COL28A1: variants seen among roughly 807,000 people sequenced by gnomAD.
COL28A1 encodes collagen type XXVIII alpha 1 chain, also known as collagen alpha-1(XXVIII) chain.
A neutral mutation model predicts 150.2 loss-of-function variants in COL28A1; 161 were observed. The ratio of observed to expected loss-of-function variants is 1.07; its 90% CI spans 0.94 to 1.22. The LOEUF (loss-of-function observed/expected upper bound fraction) is 1.22, where lower values mean the gene tolerates loss of function less well. Among genes scored for constraint, COL28A1 ranks in the 50% most tolerant of loss-of-function variants. COL28A1 has a pLI of 0.00. For missense variants in COL28A1, 1,617 were observed against 1,388.3 expected (o/e 1.16, Z -2.62); for synonymous variants, 552 against 469.7 (o/e 1.18, Z -2.26).
At position 7,531,458 on chromosome 7, in the gene COL28A1, A is replaced by G; in HGVS notation, c.571T>C (p.Ser191Pro). ...SGISFITIAL[S>P]TVVNEAKLRL... ...AGTTTGGCTTCATTGACTACCGTAG[A>G]AAGTGCAATGGTGATAAATGATATT... The change falls in exon 3 of 35, where the codon TCT becomes CCT. Residue 191 changes from serine to proline, a missense_variant. By Grantham distance (74) the Ser-to-Pro change is moderately conservative. Transcript: ENST00000399429. The G allele has an allele frequency of 6.3e-7, 1 of 1,596,604 alleles. No individual in the cohort carries two copies. Among genetic ancestry groups the G allele is most frequent in the Non-Finnish European group, 8.6e-7 (1 of 1,164,190 alleles).
At position 7,395,289 on chromosome 7, in the gene COL28A1, G is replaced by A. The variant is rs550559018; in HGVS notation, c.2137-13677C>T. Among the ~76,000 whole-genome samples, 101 of 151,764 alleles carry A rather than the reference G, an allele frequency of 6.7e-4. 1 individual carries two copies. Among genetic ancestry groups the A allele is most frequent in the African/African-American group, 2.2e-3 (93 of 41,468 alleles). ...AGCCTGGGCAACAGAGTGAGGCTCC[G>A]TCTTAAAAAAACACAAACAAACCAG... is the stretch of plus-strand genomic sequence containing the variant. On this transcript the variant is annotated intron_variant, in intron 27 of 34. Coordinates refer to ENST00000399429, the MANE Select transcript of COL28A1 (RefSeq NM_001037763.3).
At chr7:7,513,921 C>T (rs1398535169) in intron 8 of COL28A1, among the ~76,000 whole-genome samples, 2 of 152,162 alleles carry the variant, frequency 1.3e-5, no homozygotes, top group Non-Finnish European at 2.9e-5. Context: ...TTTCAGAAAG[C>T]GAGTACTTCA....
At chr7:7,505,975 A>C (rs1295011087) in intron 11 of COL28A1, 39 bp downstream of exon 11, 2 of 947,104 alleles carry the variant, frequency 2.1e-6, no homozygotes, top group African/African-American at 3.2e-5. Context: ...CACTAGGGGA[A>C]AGGCACTCTG....
chr7:7,454,331 A>G (rs181959006), intron 16 of COL28A1, among the ~76,000 whole-genome samples: 2 of 152,340 alleles, frequency 1.3e-5, no homozygotes, highest in East Asian at 1.9e-4. Context: ...ATCAAATTAA[A>G]GAACATTGAA....
At chr7:7,427,145 G>A (rs930769602) in intron 25 of COL28A1, among the ~76,000 whole-genome samples, 3 of 152,112 alleles carry the variant, frequency 2.0e-5, no homozygotes, top group African/African-American at 7.2e-5. Flanking sequence ...GTCATGAGGT[G>A]GACTACTAGA....
At chr7:7,393,333 G>T (rs1394765224) in intron 27 of COL28A1, among the ~76,000 whole-genome samples, 1 of 152,224 alleles carries the variant, frequency 6.6e-6, no homozygotes, top group Non-Finnish European at 1.5e-5. Context: ...TCCTCTGGAA[G>T]CTTCGTCCCA....
chr7:7,376,355 C>T (rs968286347), intron 30 of COL28A1, among the ~76,000 whole-genome samples: 6 of 152,110 alleles, frequency 3.9e-5, no homozygotes, highest in African/African-American at 1.4e-4. Context: ...AATGTCAAAT[C>T]GAGGTGGAGG....
chr7:7,361,917 A>G (rs1780687027), intron 33 of COL28A1, among the ~76,000 whole-genome samples: 1 of 152,164 alleles, frequency 6.6e-6, no homozygotes, highest in African/African-American at 2.4e-5. Context: ...ATTCTTAGCA[A>G]ACTAACACAG....
chr7:7,377,163 T>A (rs1781602491), intron 30 of COL28A1, among the ~76,000 whole-genome samples: 1 of 152,200 alleles, frequency 6.6e-6, no homozygotes, highest in African/African-American at 2.4e-5. Flanking sequence ...AATGCATGTA[T>A]CAAGGTTAGA....
intron 15 of COL28A1, among the ~76,000 whole-genome samples, chr7:7,473,952 A>G (rs1788654934): frequency 6.7e-6 from 1 of 148,940 alleles, no homozygotes; most frequent in Admixed American, 6.8e-5. Flanking sequence ...ACTGTATACT[A>G]TATATACAGT....
In COL28A1 at chr7:7,437,461, C is replaced by T; in HGVS notation, c.1724G>A (p.Gly575Asp). 6.2e-7 allele frequency: 1 copy of T among 1,612,716 alleles called. No homozygotes were observed. Among genetic ancestry groups the T allele is most frequent in the Non-Finnish European group, 8.5e-7 (1 of 1,179,602 alleles). ...AAAAGGGCCCATAATGCCCGGTTCA[C>T]CCTTAAAAAGAGCAAAATGCTCACT... Reference protein sequence around the residue: ...RGLPGPEGPKGEPGIMGPFGM... With the variant: ...RGLPGPEGPKDEPGIMGPFGM... The change falls in exon 22 of 35, where the codon GGT (glycine) becomes GAT (aspartate). Residue 575 changes from glycine to aspartate, a missense_variant and splice_region_variant. Physicochemically the swap from Gly to Asp is moderately conservative, Grantham distance 94 (BLOSUM62 -1). Transcript: ENST00000399429.
chr7:7,412,608 C>T (rs1355144916), intron 27 of COL28A1, among the ~76,000 whole-genome samples: 1 of 152,040 alleles, frequency 6.6e-6, no homozygotes, highest in African/African-American at 2.4e-5. Context: ...ATGCATTACA[C>T]ATACTATCTA....
chr7:7,373,321 T>G lies in COL28A1; in HGVS notation c.2585A>C (p.Lys862Thr), dbSNP rs761281832. The G allele has an allele frequency of 6.2e-7, 1 of 1,614,186 alleles. No homozygotes were observed. Among genetic ancestry groups the G allele is most frequent in the South Asian group, 1.1e-5 (1 of 91,086 alleles). The change falls in exon 32 of 35, where the codon AAG (lysine) becomes ACG (threonine). Residue 862 changes from lysine (K) to threonine (T), a missense_variant. By Grantham distance (78) the Lys-to-Thr change is moderately conservative. Transcript: ENST00000399429. The surrounding 1 kb of genome is among the most constrained non-coding windows in gnomAD (Gnocchi z 4.1). ...ATACTGCATGTTGTCCACAGCCAAC[T>G]TGAAGTCATCCTTGCTGGAGAACTG... ...LKQFSSKDDF[K>T]LAVDNMQYLG...
intron 11 of COL28A1, among the ~76,000 whole-genome samples, chr7:7,500,545 A>C (rs1371754544): frequency 1.3e-5 from 2 of 152,222 alleles, no homozygotes; most frequent in Non-Finnish European, 2.9e-5. Flanking sequence ...AATACATGGA[A>C]GCTCAAAGGA....
intron 15 of COL28A1, among the ~76,000 whole-genome samples, chr7:7,458,519 A>G (rs986507155): frequency 6.6e-6 from 1 of 152,202 alleles, no homozygotes; most frequent in African/African-American, 2.4e-5. Flanking sequence ...AATATATAGA[A>G]CCTGCACTAG....
At chr7:7,351,654 A>AT (rs772976315), downstream of COL28A1, among the ~76,000 whole-genome samples, 3 of 152,128 alleles carry the variant, frequency 2.0e-5, no homozygotes, top group Admixed American at 6.6e-5. Flanking sequence ...TAAATGAAAG[A>AT]TTTTTTCAAA....
At chr7:7,411,382 A>G (rs896243490) in intron 27 of COL28A1, among the ~76,000 whole-genome samples, 1 of 152,198 alleles carries the variant, frequency 6.6e-6, no homozygotes, top group Non-Finnish European at 1.5e-5. Flanking sequence ...ACACTCTGCA[A>G]GGTGAGCTGA....
At chr7:7,539,124 A>G (rs1010900683), upstream of COL28A1, among the ~76,000 whole-genome samples, 1 of 152,176 alleles carries the variant, frequency 6.6e-6, no homozygotes. Context: ...CAGTAATTAG[A>G]GGAACACTGT....
chr7:7,351,045 C>G, the COL28A1 span, among the ~76,000 whole-genome samples: 1 of 152,128 alleles, frequency 6.6e-6, no homozygotes, highest in Admixed American at 6.6e-5. Flanking sequence ...TGTAATTTCT[C>G]AGTTTTGTTC....
Sources: gnomAD v4.1 joint callset for allele counts (sites outside exome capture counted in the v4.1 genomes callset) on GRCh38, gnomAD v4.1.1 for gene constraint, Gnocchi (gnomAD v3.1) non-coding constraint, MANE v1.5 for transcripts, NCBI Gene and HGNC (gene_info 2026-07-23, HGNC 2026-07-21) for gene names.